ULK2: variants seen among roughly 807,000 people sequenced by gnomAD.
ULK2 encodes serine/threonine-protein kinase ULK2.
ULK2 carries 76 observed loss-of-function variants against 127.5 expected under a neutral mutation model. The ratio of observed to expected loss-of-function variants is 0.60; its 90% CI spans 0.50 to 0.72. The LOEUF is 0.72. Among genes scored for constraint, ULK2 ranks in the 30% least tolerant of loss-of-function variants. The pLI is 0.00. For missense variants in ULK2, 1,144 were observed against 1,295.9 expected (o/e 0.88, Z 1.80); for synonymous variants, 452 against 461.9 (o/e 0.98, Z 0.28).
intron 20 of ULK2, 121 bp downstream of exon 20, chr17:19,795,501 A>AAAT: frequency 1.2e-6 from 1 of 855,180 alleles, no homozygotes; most frequent in Non-Finnish European, 1.9e-6. Context: ...CAGAACTATG[A>AAAT]AATAATACAT....
rs147422998 is a variant in ULK2 at position 19,783,757 on chromosome 17, G to T, written c.2400C>A (p.Pro800=). 4 of 1,597,978 alleles carry T rather than the reference G, an allele frequency of 2.5e-6. No homozygotes were observed. The highest frequency in any genetic ancestry group is 2.7e-5 in the African/African-American group (2 of 74,320). ...LRYVPYGASP[P]SLEGLITFEA... is the part of the protein sequence containing the mutation. Reference sequence around the variant, plus strand: ...CAAAGGTGATGAGCCCCTCTAGGCTGGGGGGTGAAGCACCGTAAGGCACGT... The same window carrying T: ...CAAAGGTGATGAGCCCCTCTAGGCTTGGGGGTGAAGCACCGTAAGGCACGT... Residue 800 remains proline (P), a synonymous_variant, in exon 22 of 27, where the codon CCC becomes CCA. Coordinates refer to ENST00000395544, the MANE Select transcript of ULK2 (RefSeq NM_014683.4).
At chr17:19,804,473 A>C (rs1270694577) in intron 15 of ULK2, among the ~76,000 whole-genome samples, 2 of 150,998 alleles carry the variant, frequency 1.3e-5, no homozygotes, top group African/African-American at 2.4e-5. Context: ...ACATATATAA[A>C]ATATATACAA....
At chr17:19,825,443 CT>C (rs535610012) in intron 11 of ULK2, among the ~76,000 whole-genome samples, 47 of 152,342 alleles carry the variant, frequency 3.1e-4, no homozygotes, top group African/African-American at 1.1e-3. Flanking sequence ...GGAGCAGAGG[CT>C]CACTCCTATA....
chr17:19,787,036 G>T (rs2087048552), intron 20 of ULK2, among the ~76,000 whole-genome samples: 2 of 145,092 alleles, frequency 1.4e-5, no homozygotes, highest in Admixed American at 7.0e-5. Flanking sequence ...ATCTCACTCT[G>T]TCGCCAGGCT....
intron 20 of ULK2, among the ~76,000 whole-genome samples, chr17:19,790,650 T>G (rs866094983): frequency 4.6e-5 from 7 of 152,138 alleles, no homozygotes; most frequent in African/African-American, 1.7e-4. Context: ...AGTCCTTACT[T>G]ACCAATACAA....
chr17:19,831,021 C>A (rs1395052175), intron 10 of ULK2, among the ~76,000 whole-genome samples: 16 of 76,620 alleles, frequency 2.1e-4, no homozygotes, highest in Non-Finnish European at 2.8e-4. Flanking sequence ...AGCAAGACTC[C>A]GTCGCTAAAA....
rs370583996 is a variant in ULK2, at chr17:19,780,923, G to C, written c.2758+63C>G. The C allele has an allele frequency of 1.9e-5, 27 of 1,432,988 alleles. No homozygotes were observed. The African/African-American group carries it at 3.6e-4, about 19-fold the overall frequency. The allele number at this position is 1,432,988 out of a possible 1,614,324, so 88.8% of individuals were successfully genotyped here. ...AGTACTCATCAGACACTCTCTCACA[G>C]TGTGATGGGAAAGAGCAACTTAAGG... On this transcript the variant is annotated intron_variant, in intron 24 of 26. Transcript: ENST00000395544.
intron 10 of ULK2, among the ~76,000 whole-genome samples, chr17:19,834,823 T>A (rs1270572130): frequency 2.6e-5 from 4 of 151,448 alleles, no homozygotes; most frequent in Non-Finnish European, 5.9e-5. Flanking sequence ...GGCAAGAGGA[T>A]CACTTGAGCC....
At chr17:19,803,728 T>C (rs1373218967) in intron 15 of ULK2, among the ~76,000 whole-genome samples, 1 of 152,188 alleles carries the variant, frequency 6.6e-6, no homozygotes, top group African/African-American at 2.4e-5. Context: ...AATAAATTAG[T>C]TCATTACCAG....
chr17:19,801,557 G>A (rs1465032584), intron 16 of ULK2, among the ~76,000 whole-genome samples: 1 of 152,172 alleles, frequency 6.6e-6, no homozygotes, highest in Non-Finnish European at 1.5e-5. Flanking sequence ...ACTCCAGCCT[G>A]GGCGACAGAG....
At chr17:19,858,555 T>C (rs2042179076) in intron 3 of ULK2, among the ~76,000 whole-genome samples, 1 of 151,808 alleles carries the variant, frequency 6.6e-6, no homozygotes, top group Non-Finnish European at 1.5e-5. Context: ...TAGTCACAAA[T>C]AAACCAGTAA....
intron 10 of ULK2, among the ~76,000 whole-genome samples, chr17:19,833,690 C>G (rs115110431): frequency 1.3e-5 from 2 of 152,258 alleles, no homozygotes; most frequent in Middle Eastern, 3.4e-3. Context: ...AACAGAAAAT[C>G]TGGAGTTAAA....
At chr17:19,842,968 T>A (rs2041800153) in intron 8 of ULK2, among the ~76,000 whole-genome samples, 153 bp downstream of exon 8, 1 of 152,176 alleles carries the variant, frequency 6.6e-6, no homozygotes, top group Non-Finnish European at 1.5e-5. Context: ...ACGTTCTGAC[T>A]CACTAAAGCA....
intron 16 of ULK2, 128 bp from the exon 17 acceptor site, chr17:19,799,703 A>G: frequency 1.2e-6 from 1 of 826,830 alleles, no homozygotes. Flanking sequence ...TTAAGTAACA[A>G]ACGTTTAGTT....
rs865948685 is a variant in ULK2, at chr17:19,841,173, G to C, written c.704+316C>G. ...AGCAAACTCTTGTTACCCCTAAAGAGAGCAAAGCTGGGGGGAATTCACTTC... is the reference window on the plus strand; with the variant it reads ...AGCAAACTCTTGTTACCCCTAAAGACAGCAAAGCTGGGGGGAATTCACTTC... On this transcript the variant is annotated intron_variant, in intron 9 of 26. Transcript: ENST00000395544. 9.2e-5 allele frequency among the ~76,000 whole-genome samples: 14 copies of C among 152,246 alleles called. No individual in the cohort carries two copies. In the East Asian group the frequency reaches 1.3e-3, roughly 15 times the overall value.
Position 19,785,929 on chromosome 17 carries a change from C to T in ULK2, c.2251+8G>A. On this transcript the variant is annotated splice_region_variant and intron_variant, in intron 21 of 26. Transcript: ENST00000395544. ...GCCAAAGACTGTAATATAACAAATG[C>T]TCCTTACCTGAGGTTGTTCTTGTTC... 6.3e-7 allele frequency: 1 copy of T among 1,594,704 alleles called. No individual in the cohort carries two copies. The highest frequency in any genetic ancestry group is 8.5e-7 in the Non-Finnish European group (1 of 1,172,228).
At chr17:19,832,709 G>A (rs192242672) in intron 10 of ULK2, among the ~76,000 whole-genome samples, 249 of 152,202 alleles carry the variant, frequency 1.6e-3, no homozygotes, top group Non-Finnish European at 2.4e-3. Context: ...CTAGGAAACT[G>A]GGCTTTACAA....
At position 19,863,722 on chromosome 17, in the gene ULK2, C is replaced by T. The variant is rs573523848; in HGVS notation, c.225+1081G>A. Reference sequence around the variant, plus strand: ...TATGGCCCTAAATATAAGCCAGCTACTTCATCTGGTGCTACACCCAGAAAA... The same window carrying T: ...TATGGCCCTAAATATAAGCCAGCTATTTCATCTGGTGCTACACCCAGAAAA... On this transcript the variant is annotated intron_variant, in intron 3 of 26. Transcript: ENST00000395544. 1.6e-4 allele frequency among the ~76,000 whole-genome samples: 24 copies of T among 152,128 alleles called. No homozygotes were observed. The South Asian group carries it at 4.4e-3, about 28-fold the overall frequency.
intron 14 of ULK2, among the ~76,000 whole-genome samples, chr17:19,808,403 C>T (rs1170534040): frequency 6.6e-6 from 1 of 152,112 alleles, no homozygotes; most frequent in Non-Finnish European, 1.5e-5. Flanking sequence ...GCCAAAAGCA[C>T]AGGCAACAAA....
Sources: gnomAD v4.1 joint callset for allele counts (sites outside exome capture counted in the v4.1 genomes callset) on GRCh38, gnomAD v4.1.1 for gene constraint, MANE v1.5 for transcripts, NCBI Gene and HGNC (gene_info 2026-07-23, HGNC 2026-07-21) for gene names.